Variants in DNAH3 observed in about 807,000 individuals in gnomAD.
The protein encoded by DNAH3 is axonemal beta dynein heavy chain 3.
A neutral mutation model predicts 432.5 loss-of-function variants in DNAH3; 332 were observed. That is an observed-to-expected ratio of 0.77 (90% CI 0.70 to 0.84). The LOEUF (loss-of-function observed/expected upper bound fraction) is 0.84. Among genes scored for constraint, DNAH3 ranks in the 40% least tolerant of loss-of-function variants. DNAH3 has a pLI of 0.00. For missense variants in DNAH3, 4,861 were observed against 5,114.0 expected, an observed-to-expected ratio of 0.95 and a Z score of 1.51; for synonymous variants, 1,956 against 1,900.2, an observed-to-expected ratio of 1.03 and a Z score of -0.76.
chr16:21,068,556 C>T (rs916939106), intron 23 of DNAH3, among the ~76,000 whole-genome samples: 3 of 152,208 alleles, frequency 2.0e-5, no homozygotes, highest in African/African-American at 4.8e-5. Flanking sequence ...CTCAAGCAAT[C>T]CGCCTGCCTT....
chr16:20,947,192 C>T (rs995273124), intron 57 of DNAH3, among the ~76,000 whole-genome samples: 4 of 151,996 alleles, frequency 2.6e-5, no homozygotes, highest in African/African-American at 9.7e-5. Flanking sequence ...GAATGTCATA[C>T]AGCTTTCATA....
At chr16:21,052,859 T>C (rs2090005085) in intron 28 of DNAH3, among the ~76,000 whole-genome samples, 1 of 152,170 alleles carries the variant, frequency 6.6e-6, no homozygotes, top group Admixed American at 6.5e-5. Context: ...TGGCCTTATA[T>C]AGCAGGGGAA....
rs142845250 is a variant in DNAH3, at chr16:20,985,163, C to T, written c.7579G>A (p.Val2527Met). The T allele has an allele frequency of 9.0e-5, 145 of 1,614,100 alleles. No homozygotes were observed. In the African/African-American group the frequency reaches 1.4e-3, roughly 16 times the overall value. ...CTGGCTGCAGTCTGCATCTTCTCCACGATGTCAGCCTTCTCGTCAGCAGGG... is the reference window on the plus strand; with the variant it reads ...CTGGCTGCAGTCTGCATCTTCTCCATGATGTCAGCCTTCTCGTCAGCAGGG... Residue 2527 changes from valine to methionine, a missense_variant, in exon 48 of 62, where the codon GTG becomes ATG. Val to Met is a conservative substitution (Grantham distance 21). Coordinates refer to ENST00000261383, the Ensembl canonical transcript of DNAH3.
chr16:20,974,991 T>G (rs1302377983), intron 51 of DNAH3, among the ~76,000 whole-genome samples: 12 of 144,088 alleles, frequency 8.3e-5, no homozygotes, highest in Admixed American at 6.9e-4. Flanking sequence ...GCTAGTTTTT[T>G]TTTTTTTTTT....
At position 21,042,090 on chromosome 16, in the gene DNAH3, G is replaced by T; in HGVS notation, c.4575C>A (p.Cys1525Ter). ...CGGGGTTCATGGTGATGAACACAGC[G>T]CAGGTTGGGTTCAGAGAGAGCTCAG... Residue 1525 changes from cysteine to a stop codon, truncating the protein, a stop_gained, in exon 32 of 62, where the codon TGC (cysteine) becomes TGA (stop). Coordinates refer to ENST00000261383, the Ensembl canonical transcript of DNAH3. LOFTEE classifies it high-confidence loss of function. The T allele has an allele frequency of 1.9e-6, 3 of 1,613,918 alleles. No homozygotes were observed. Among genetic ancestry groups the T allele is most frequent in the Non-Finnish European group, 2.5e-6 (3 of 1,179,966 alleles).
chr16:21,151,498 G>T (rs181536819), intron 1 of DNAH3, among the ~76,000 whole-genome samples: 1 of 151,978 alleles, frequency 6.6e-6, no homozygotes. Context: ...GGGTTTCACC[G>T]TGTTAGCCAG....
intron 24 of DNAH3, among the ~76,000 whole-genome samples, chr16:21,066,164 T>G (rs780166052): frequency 4.6e-5 from 7 of 152,068 alleles, no homozygotes; most frequent in African/African-American, 7.2e-5. Flanking sequence ...TTTGTTTTTT[T>G]TTTTGTTTTT....
At chr16:21,066,491 C>T (rs967769923) in intron 24 of DNAH3, among the ~76,000 whole-genome samples, 2 of 152,150 alleles carry the variant, frequency 1.3e-5, no homozygotes, top group Non-Finnish European at 2.9e-5. Flanking sequence ...CCTCAGCCTC[C>T]AGAGTAGCTG....
chr16:20,944,416 C>G (rs1227262514), intron 58 of DNAH3, 80 bp downstream of exon 58: 1 of 1,531,050 alleles, frequency 6.5e-7, no homozygotes, highest in Admixed American at 1.7e-5. Context: ...GCCTCTTGGT[C>G]ACCCTCCAAT....
At chr16:21,075,603 G>T (rs370003619) in intron 20 of DNAH3, 42 bp from the exon 21 acceptor site, 27 of 1,468,012 alleles carry the variant, frequency 1.8e-5, no homozygotes, top group Non-Finnish European at 2.2e-5. Flanking sequence ...ACAGGAGGCA[G>T]AGAAGACACA....
intron 58 of DNAH3, among the ~76,000 whole-genome samples, chr16:20,943,628 G>A (rs930536034): frequency 1.3e-5 from 2 of 152,088 alleles, no homozygotes; most frequent in Non-Finnish European, 2.9e-5. Flanking sequence ...CTTTTAACAA[G>A]AAGCCAGCAA....
Position 21,058,095 on chromosome 16 carries a change from A to AT in DNAH3, c.3914dup (p.Asn1305LysfsTer12). The AT allele has an allele frequency of 6.3e-7, 1 of 1,597,632 alleles. No homozygotes were observed. The highest frequency in any genetic ancestry group is 8.6e-7 in the Non-Finnish European group (1 of 1,164,976). ...CAGCAAGTTCACTTACCAGTAAGGT[A>AT]TTTTCCGCCAGGGCTTGGGACACCT... On this transcript the variant is annotated frameshift_variant, in exon 27 of 62. Coordinates refer to ENST00000261383, the Ensembl canonical transcript of DNAH3. LOFTEE classifies it high-confidence loss of function.
chr16:21,025,830 T>TCC (rs1412738492), intron 38 of DNAH3, among the ~76,000 whole-genome samples: 2 of 151,856 alleles, frequency 1.3e-5, no homozygotes, highest in African/African-American at 4.8e-5. Context: ...GCCTCCTGGG[T>TCC]TCAAGCAATT....
At chr16:20,972,212 T>G (rs747452064) in intron 51 of DNAH3, among the ~76,000 whole-genome samples, 1 of 151,438 alleles carries the variant, frequency 6.6e-6, no homozygotes, top group Admixed American at 6.6e-5. Context: ...AATTGTTACT[T>G]GAAATCTCCT....
chr16:21,122,209 A>G, intron 9 of DNAH3, 85 bp from the exon 11 acceptor site: 1 of 1,143,954 alleles, frequency 8.7e-7, no homozygotes, highest in South Asian at 1.5e-5. Flanking sequence ...TCATAGAACT[A>G]CATGAGGACC....
Position 20,963,515 on chromosome 16 carries a change from C to T in DNAH3, c.10369G>A (p.Glu3457Lys), listed in dbSNP as rs3743695. 2.2e-4 allele frequency: 361 copies of T among 1,614,042 alleles called. 1 individual carries two copies. In the East Asian group the frequency reaches 7.6e-3, roughly 34 times the overall value. ...TTCCAAGACCCAGGGAGTTGCTCCT[C>T]ATGGGGCCAGGCCGAGTCATAGATC... Residue 3457 changes from glutamate (E) to lysine (K), a missense_variant, in exon 53 of 62, where the codon GAG becomes AAG. Transcript: ENST00000261383.
intron 14 of DNAH3, among the ~76,000 whole-genome samples, chr16:21,108,170 C>A (rs2091991184): frequency 6.6e-6 from 1 of 152,216 alleles, no homozygotes; most frequent in Admixed American, 6.5e-5. Flanking sequence ...CTGCGCCCAG[C>A]CCTGTTGATG....
At chr16:21,018,853 C>T (rs1377449143) in intron 41 of DNAH3, among the ~76,000 whole-genome samples, 1 of 151,826 alleles carries the variant, frequency 6.6e-6, no homozygotes, top group Non-Finnish European at 1.5e-5. Context: ...CAAGATCATA[C>T]CACTATACTC....
intron 16 of DNAH3, among the ~76,000 whole-genome samples, chr16:21,100,863 C>G (rs2091820149): frequency 6.6e-6 from 1 of 152,162 alleles, no homozygotes; most frequent in Non-Finnish European, 1.5e-5. Context: ...CTGATGAAAG[C>G]AGTTTTGAAT....
Sources: gnomAD v4.1 joint callset for allele counts (sites outside exome capture counted in the v4.1 genomes callset) on GRCh38, gnomAD v4.1.1 for gene constraint, MANE v1.5 for transcripts, NCBI Gene and HGNC (gene_info 2026-07-23, HGNC 2026-07-21) for gene names.